Variants in CPT2 observed in about 807,000 individuals in gnomAD.
CPT2 encodes carnitine palmitoyltransferase 2.
CPT2 carries 37 observed loss-of-function variants against 48.6 expected under a neutral mutation model. That is an observed-to-expected ratio of 0.76 (90% CI 0.59 to 1.00). CPT2 has a LOEUF of 1.00. Ranked by LOEUF, CPT2 falls within the 50% of genes least tolerant of loss-of-function variation. The pLI is 0.00. For synonymous variants in CPT2, 319 were observed against 326.9 expected (o/e 0.98, Z 0.26); for missense variants, 772 against 825.6 (o/e 0.94, Z 0.80).
intron 3 of CPT2, chr1:53,208,224 C>T (rs182237556): frequency 4.6e-5 from 7 of 152,304 alleles, no homozygotes; most frequent in African/African-American, 1.7e-4. Flanking sequence ...GAATCAAAGA[C>T]CATGTCCTAT....
intron 1 of CPT2, among the ~76,000 whole-genome samples, chr1:53,199,470 G>A (rs1168076838): frequency 6.6e-6 from 1 of 152,222 alleles, no homozygotes; most frequent in Non-Finnish European, 1.5e-5. Flanking sequence ...GATTACAGGT[G>A]TGAACCACCG....
At chr1:53,208,933 C>T (rs980581344) in intron 3 of CPT2, 11 of 152,152 alleles carry the variant, frequency 7.2e-5, no homozygotes, top group African/African-American at 2.2e-4. Flanking sequence ...ACAGACAGCT[C>T]GTGGGAATGG....
chr1:53,210,551 AGT>A lies in CPT2; in HGVS notation c.879_880del (p.Ser293ArgfsTer16), dbSNP rs1195259425. The A allele has an allele frequency of 6.2e-7, 1 of 1,614,042 alleles. No individual in the cohort carries two copies. Among genetic ancestry groups the A allele is most frequent in the Non-Finnish European group, 8.5e-7 (1 of 1,180,038 alleles). On this transcript the variant is annotated frameshift_variant, in exon 4 of 5. Coordinates refer to ENST00000371486, the MANE Select transcript of CPT2 (RefSeq NM_000098.3). LOFTEE classifies it high-confidence loss of function. Reference sequence around the variant, plus strand: ...CGAGTTTCCCCTGGCATACCTGACCAGTGAGAACCGAGACATCTGGGCAGAGC... The same window carrying A: ...CGAGTTTCCCCTGGCATACCTGACCAGAGAACCGAGACATCTGGGCAGAGC... ...APEFPLAYLT[S>X]ENRDIWAELR...
chr1:53,202,357 G>A lies in CPT2; in HGVS notation c.268G>A (p.Gly90Arg). 6.2e-7 allele frequency: 1 copy of A among 1,614,064 alleles called. No individual in the cohort carries two copies. The highest frequency in any genetic ancestry group is 1.1e-5 in the South Asian group (1 of 91,084). Reference protein sequence around the residue: ...TEQFCKSFENGIGKELHEQLV... With the variant: ...TEQFCKSFENRIGKELHEQLV... ...ACAATTTTGCAAGAGTTTTGAAAAT[G>A]GGATTGGAAAAGAACTGCATGAGCA... Residue 90 changes from glycine to arginine, a missense_variant, in exon 3 of 5, where the codon GGG (glycine) becomes AGG (arginine). Physicochemically the swap from Gly to Arg is moderately radical, Grantham distance 125 (BLOSUM62 -2). Transcript: ENST00000371486.
chr1:53,197,930 TA>T (rs1645333729), intron 1 of CPT2, among the ~76,000 whole-genome samples: 1 of 152,108 alleles, frequency 6.6e-6, no homozygotes, highest in South Asian at 2.1e-4. Flanking sequence ...CACCACTGGC[TA>T]CCCTGCCTTC....
chr1:53,211,997 A>G (rs918518260), intron 4 of CPT2, among the ~76,000 whole-genome samples: 1 of 151,726 alleles, frequency 6.6e-6, no homozygotes, highest in African/African-American at 2.4e-5. Context: ...GGCTCAAACA[A>G]TCCTCCTGCC....
rs1645412716 is a variant in CPT2, at chr1:53,210,197, G to T, written c.523G>T (p.Val175Leu). The T allele has an allele frequency of 1.2e-6, 2 of 1,614,040 alleles. No individual in the cohort carries two copies. The highest frequency in any genetic ancestry group is 1.7e-6 in the Non-Finnish European group (2 of 1,180,048). Residue 175 changes from valine (V) to leucine (L), a missense_variant, in exon 4 of 5, where the codon GTG (valine) becomes TTG (leucine). Physicochemically the swap from Val to Leu is conservative, Grantham distance 32. Coordinates refer to ENST00000371486, the MANE Select transcript of CPT2 (RefSeq NM_000098.3). ...TLRAGLLEPE[V>L]FHLNPAKSDT... ...CCGGGCTGGCCTTCTGGAGCCAGAA[G>T]TGTTCCACTTGAACCCTGCAAAAAG...
chr1:53,212,985 C>A (rs181453495), intron 4 of CPT2, among the ~76,000 whole-genome samples: 34 of 152,340 alleles, frequency 2.2e-4, no homozygotes, highest in African/African-American at 7.2e-4. Context: ...ACTGATTTCA[C>A]ATCTTTAAAA....
intron 1 of CPT2, chr1:53,200,132 G>A (rs1206039777): frequency 6.5e-6 from 1 of 153,110 alleles, no homozygotes; most frequent in Non-Finnish European, 1.5e-5. Flanking sequence ...TGCTGTTCCT[G>A]TTATTTAAGC....
chr1:53,210,477 A>G lies in CPT2; in HGVS notation c.803A>G (p.Glu268Gly). 1 of 1,614,106 alleles carries G rather than the reference A, an allele frequency of 6.2e-7. No homozygotes were observed. Among genetic ancestry groups the G allele is most frequent in the African/African-American group, 1.3e-5 (1 of 75,024 alleles). ...DQDGNIVSPS[E>G]IQAHLKYILS... ...GATGGGAACATTGTGAGCCCCTCGG[A>G]AATCCAGGCACATCTGAAGTACATT... The change falls in exon 4 of 5, where the codon GAA becomes GGA. Residue 268 changes from glutamate (E) to glycine (G), a missense_variant. Physicochemically the swap from Glu to Gly is moderately conservative, Grantham distance 98 (BLOSUM62 -2). Coordinates refer to ENST00000371486, the MANE Select transcript of CPT2 (RefSeq NM_000098.3).
chr1:53,212,757 A>T, intron 4 of CPT2: 1 of 410,972 alleles, frequency 2.4e-6, no homozygotes. Flanking sequence ...AGACATTCTA[A>T]TCTTCTCTTC....
chr1:53,209,882 C>A, intron 3 of CPT2, 133 bp from the exon 4 acceptor site: 1 of 738,868 alleles, frequency 1.4e-6, no homozygotes, highest in Non-Finnish European at 2.3e-6. Context: ...AGAGCAAAAA[C>A]ATTCAGGGAA....
At chr1:53,211,588 T>A (rs189403140) in intron 4 of CPT2, 11 of 489,648 alleles carry the variant, frequency 2.2e-5, no homozygotes, top group East Asian at 9.5e-5. Context: ...ACGCATTAAT[T>A]CTTTTTTCTT....
chr1:53,204,285 T>G (rs554674074), intron 3 of CPT2: 1 of 152,120 alleles, frequency 6.6e-6, no homozygotes, highest in Admixed American at 6.5e-5. Flanking sequence ...ACATTTTTCA[T>G]CTCTTACTCT....
chr1:53,200,967 G>A (rs775269294), intron 2 of CPT2, 168 bp downstream of exon 2: 6 of 686,194 alleles, frequency 8.7e-6, no homozygotes, highest in African/African-American at 1.8e-5. Context: ...ATTCATGAAG[G>A]ACTGACCAAG....
At chr1:53,205,964 C>CA (rs1236110959) in intron 3 of CPT2, among the ~76,000 whole-genome samples, 33 of 152,224 alleles carry the variant, frequency 2.2e-4, no homozygotes, top group African/African-American at 7.2e-4. Context: ...GGGTGGATCA[C>CA]AAGGTCAGGA....
chr1:53,203,076 C>T (rs1645364321), intron 3 of CPT2: 1 of 152,382 alleles, frequency 6.6e-6, no homozygotes, highest in Non-Finnish European at 1.5e-5. Flanking sequence ...TTCTATAAGG[C>T]TTGTTAGGAA....
At chr1:53,202,612 G>A (rs964208293) in intron 3 of CPT2, 183 bp downstream of exon 3, 3 of 644,034 alleles carry the variant, frequency 4.7e-6, no homozygotes. Flanking sequence ...CTGAGGTGTT[G>A]ACTTGAGCCC....
chr1:53,202,137 A>C, intron 2 of CPT2, 186 bp from the exon 3 acceptor site: 1 of 582,710 alleles, frequency 1.7e-6, no homozygotes, highest in Non-Finnish European at 3.1e-6. Context: ...TCATTTTAAG[A>C]AGGTAGTCTA....
Sources: gnomAD v4.1 joint callset for allele counts (sites outside exome capture counted in the v4.1 genomes callset) on GRCh38, gnomAD v4.1.1 for gene constraint, MANE v1.5 for transcripts, NCBI Gene and HGNC (gene_info 2026-07-23, HGNC 2026-07-21) for gene names.